Variants in APPBP2 observed in about 807,000 individuals in gnomAD.
The protein encoded by APPBP2 is amyloid beta precursor protein binding protein 2, also known as amyloid protein-binding protein 2.
APPBP2 carries 15 observed loss-of-function variants against 76.0 expected under a neutral mutation model. That is an observed-to-expected ratio of 0.20 (90% confidence interval 0.13 to 0.30). APPBP2 has a LOEUF of 0.30. Among genes scored for constraint, APPBP2 ranks in the 10% least tolerant of loss-of-function variants. The pLI, the probability that APPBP2 is intolerant of heterozygous loss-of-function variation, is 1.00. For missense variants in APPBP2, 401 were observed against 687.2 expected (o/e 0.58, Z 4.66); for synonymous variants, 222 against 242.2 (o/e 0.92, Z 0.77).
chr17:60,454,446 A>T lies in APPBP2; in HGVS notation c.1194T>A (p.Thr398=). The change falls in exon 11 of 13, where the codon ACT becomes ACA. Residue 398 remains threonine, a synonymous_variant. Transcript: ENST00000083182. ...GAGCTTCTTGAAGCAGCCTCTGTTCAGTTTCCTTATTATGACAATCAATTG... is the reference window on the plus strand; with the variant it reads ...GAGCTTCTTGAAGCAGCCTCTGTTCTGTTTCCTTATTATGACAATCAATTG... ...EIAIDCHNKE[T]EQRLLQEAHD... is the part of the protein sequence containing the mutation. The T allele has an allele frequency of 6.2e-7, 1 of 1,607,408 alleles. No individual in the cohort carries two copies. Among genetic ancestry groups the T allele is most frequent in the Non-Finnish European group, 8.5e-7 (1 of 1,177,718 alleles).
intron 1 of APPBP2, among the ~76,000 whole-genome samples, chr17:60,516,188 A>C (rs1300022099): frequency 3.3e-5 from 5 of 152,020 alleles, no homozygotes; most frequent in Non-Finnish European, 7.4e-5. Context: ...AAAAAAAACA[A>C]ACAAAAAAAA....
chr17:60,506,689 A>G (rs1567938992), intron 1 of APPBP2, among the ~76,000 whole-genome samples: 1 of 152,148 alleles, frequency 6.6e-6, no homozygotes, highest in Non-Finnish European at 1.5e-5. Context: ...TATATTCCCA[A>G]TACCTAGCAC....
intron 3 of APPBP2, among the ~76,000 whole-genome samples, chr17:60,482,050 T>A (rs987168988): frequency 1.4e-4 from 22 of 152,060 alleles, no homozygotes; most frequent in African/African-American, 5.1e-4. Context: ...GCCCGGCTAA[T>A]TTTGTATTTT....
chr17:60,509,331 A>C (rs1302210983), intron 1 of APPBP2, among the ~76,000 whole-genome samples: 1 of 151,868 alleles, frequency 6.6e-6, no homozygotes, highest in Non-Finnish European at 1.5e-5. Context: ...GTGAGCCGAG[A>C]TTGCGCCACT....
chr17:60,500,660 A>G (rs2090815914), intron 1 of APPBP2, among the ~76,000 whole-genome samples, 173 bp from the exon 2 acceptor site: 2 of 152,210 alleles, frequency 1.3e-5, no homozygotes, highest in African/African-American at 4.8e-5. Context: ...AGTTGCATAT[A>G]ATCGTTACAA....
At position 60,506,976 on chromosome 17, in the gene APPBP2, C is replaced by T. The variant is rs1316657236; in HGVS notation, c.139-6489G>A. Among the ~76,000 whole-genome samples, 4 of 152,112 alleles carry T rather than the reference C, an allele frequency of 2.6e-5. No homozygotes were observed. In the South Asian group the frequency reaches 6.2e-4, roughly 24 times the overall value. ...TCTTGAACCTGGGAGGCAGAGGTTG[C>T]AGTGAGCTGAAATCACGCCACTGCA... is the stretch of plus-strand genomic sequence containing the variant. On this transcript the variant is annotated intron_variant, in intron 1 of 12. Coordinates refer to ENST00000083182, the MANE Select transcript of APPBP2 (RefSeq NM_006380.5).
chr17:60,494,660 T>C, intron 2 of APPBP2, 43 bp from the exon 3 acceptor site: 4 of 1,508,788 alleles, frequency 2.7e-6, no homozygotes, highest in Non-Finnish European at 3.5e-6. Flanking sequence ...TTAATTTATT[T>C]TTCTCCTTTT....
intron 3 of APPBP2, among the ~76,000 whole-genome samples, chr17:60,479,977 G>C (rs1274624084): frequency 6.6e-6 from 1 of 152,158 alleles, no homozygotes; most frequent in African/African-American, 2.4e-5. Flanking sequence ...TCCAGTAAGT[G>C]AAAAGATTCA....
chr17:60,513,731 C>T (rs1449528697), intron 1 of APPBP2, among the ~76,000 whole-genome samples: 4 of 151,540 alleles, frequency 2.6e-5, no homozygotes, highest in East Asian at 1.9e-4. Flanking sequence ...GGCGTGGTGG[C>T]GGGTGCCTGT....
chr17:60,500,267 A>G (rs2090812219), intron 2 of APPBP2, 132 bp downstream of exon 2: 3 of 605,044 alleles, frequency 5.0e-6, no homozygotes, highest in South Asian at 4.8e-5. Context: ...TCAGCCTCCC[A>G]AAGTGCTGGG....
At chr17:60,476,336 A>G (rs2090590998) in intron 4 of APPBP2, among the ~76,000 whole-genome samples, 1 of 152,230 alleles carries the variant, frequency 6.6e-6, no homozygotes, top group South Asian at 2.1e-4. Context: ...CATCAGGCTC[A>G]AAGCCCCTGG....
At chr17:60,513,504 C>A (rs763098095) in intron 1 of APPBP2, 6 of 547,470 alleles carry the variant, frequency 1.1e-5, no homozygotes, top group Admixed American at 2.7e-5. Context: ...GGAGGAACAG[C>A]TGAAGCTTCT....
chr17:60,520,304 G>A (rs1300057979), intron 1 of APPBP2, among the ~76,000 whole-genome samples: 1 of 152,102 alleles, frequency 6.6e-6, no homozygotes, highest in Non-Finnish European at 1.5e-5. Flanking sequence ...CGGGCGCAGT[G>A]GCTCACTCCT....
intron 1 of APPBP2, chr17:60,513,406 A>G: frequency 1.5e-6 from 1 of 669,208 alleles, no homozygotes; most frequent in Non-Finnish European, 2.8e-6. Flanking sequence ...GCTTGTGATC[A>G]CCTATCGGGA....
intron 4 of APPBP2, among the ~76,000 whole-genome samples, chr17:60,472,251 C>T (rs944778435): frequency 6.6e-6 from 1 of 152,164 alleles, no homozygotes; most frequent in African/African-American, 2.4e-5. Context: ...AGTGCTAATT[C>T]TTTAAATGTT....
At chr17:60,479,301 A>G in intron 3 of APPBP2, 30 bp from the exon 4 acceptor site, 3 of 1,579,436 alleles carry the variant, frequency 1.9e-6, no homozygotes, top group East Asian at 2.2e-5. Context: ...CAATTTTAGA[A>G]AACTTGATAA....
chr17:60,507,795 T>C (rs980983956), intron 1 of APPBP2, among the ~76,000 whole-genome samples: 2 of 152,144 alleles, frequency 1.3e-5, no homozygotes, highest in Non-Finnish European at 2.9e-5. Flanking sequence ...GCACCTTTCA[T>C]TTTCATGTTT....
intron 3 of APPBP2, among the ~76,000 whole-genome samples, chr17:60,485,662 C>G (rs1202694771): frequency 6.6e-6 from 1 of 152,054 alleles, no homozygotes; most frequent in Admixed American, 6.6e-5. Flanking sequence ...CCTGGATTCA[C>G]TGATTTTTTT....
intron 10 of APPBP2, among the ~76,000 whole-genome samples, chr17:60,455,943 A>C (rs1168215950): frequency 1.3e-5 from 2 of 152,042 alleles, no homozygotes; most frequent in Admixed American, 6.5e-5. Context: ...ACATCCGGCT[A>C]ATTTTTGTAT....
Sources: gnomAD v4.1 joint callset for allele counts (sites outside exome capture counted in the v4.1 genomes callset) on GRCh38, gnomAD v4.1.1 for gene constraint, MANE v1.5 for transcripts, NCBI Gene and HGNC (gene_info 2026-07-23, HGNC 2026-07-21) for gene names.